Variants in MMP14 observed in about 807,000 individuals in gnomAD.
MMP14 encodes matrix metalloproteinase-14.
A neutral mutation model predicts 64.8 loss-of-function variants in MMP14; 13 were observed. That is an observed-to-expected ratio of 0.20 (90% confidence interval 0.13 to 0.32). MMP14 has a LOEUF of 0.32. MMP14 is among the 10% of genes least tolerant of loss of function. The pLI is 1.00. For missense variants in MMP14, 594 were observed against 783.8 expected, an observed-to-expected ratio of 0.76 and a Z score of 2.89; for synonymous variants, 322 against 315.9, an observed-to-expected ratio of 1.02 and a Z score of -0.20.
rs2039777650 is a variant in MMP14 at position 22,842,218 on chromosome 14, G to C, written c.380+183G>C. 4.9e-6 allele frequency: 5 copies of C among 1,011,504 alleles called. No homozygotes were observed. In the South Asian group the frequency reaches 6.5e-5, roughly 13 times the overall value. The allele number at this position is 1,011,504 out of a possible 1,614,324, so 62.7% of individuals were successfully genotyped here. On this transcript the variant is annotated intron_variant, in intron 3 of 9. Coordinates refer to ENST00000311852, the MANE Select transcript of MMP14 (RefSeq NM_004995.4). The surrounding 1 kb of genome is among the most constrained non-coding windows in gnomAD (Gnocchi z 5.3). ...GTGTAGCCATCAAGGGTGCACCCCA[G>C]TGCCAGAGAGCCAGAGCCTGAGGAT...
intron 6 of MMP14, among the ~76,000 whole-genome samples, chr14:22,844,091 G>A (rs1295092398): frequency 2.0e-5 from 3 of 152,098 alleles, no homozygotes; most frequent in Admixed American, 6.5e-5. Flanking sequence ...CAGCTACCTG[G>A]GAGGCTGAGG....
intron 1 of MMP14, among the ~76,000 whole-genome samples, chr14:22,839,809 C>T (rs2039760243): frequency 6.6e-6 from 1 of 152,110 alleles, no homozygotes; most frequent in Non-Finnish European, 1.5e-5. Flanking sequence ...CCCATCTCCC[C>T]TCCAAGATCC....
Position 22,843,273 on chromosome 14 carries a change from G to T in MMP14, c.705G>T (p.Leu235=). ...NEDLNGNDIF[L]VAVHELGHAL... is the part of the protein sequence containing the mutation. ...TCCTTCCAGGAAATGACATCTTCCT[G>T]GTGGCTGTGCACGAGCTGGGCCATG... Residue 235 remains leucine (L), a synonymous_variant, in exon 5 of 10, where the codon CTG becomes CTT. Coordinates refer to ENST00000311852, the MANE Select transcript of MMP14 (RefSeq NM_004995.4). The surrounding 1 kb of genome is among the most constrained non-coding windows in gnomAD (Gnocchi z 4.8). 2 of 1,613,786 alleles carry T rather than the reference G, an allele frequency of 1.2e-6. No homozygotes were observed. Among genetic ancestry groups the T allele is most frequent in the Non-Finnish European group, 1.7e-6 (2 of 1,179,808 alleles).
chr14:22,845,267 G>C lies in MMP14; in HGVS notation c.1318G>C (p.Glu440Gln). 6.2e-7 allele frequency: 1 copy of C among 1,613,778 alleles called. No individual in the cohort carries two copies. The highest frequency in any genetic ancestry group is 1.7e-5 in the Admixed American group (1 of 59,966). ...CTTCCCCAGGTACTACCGTTTCAAC[G>C]AAGAGCTCAGGGCAGTGGATAGCGA... ...FRGNKYYRFN[E>Q]ELRAVDSEYP... Residue 440 changes from glutamate to glutamine, a missense_variant, in exon 9 of 10, where the codon GAA (glutamate) becomes CAA (glutamine). Glu to Gln is a conservative substitution (Grantham distance 29). Transcript: ENST00000311852.
At position 22,845,517 on chromosome 14, in the gene MMP14, G is replaced by A. The variant is rs1038200945; in HGVS notation, c.1417+151G>A. 7 of 839,868 alleles carry A rather than the reference G, an allele frequency of 8.3e-6. No homozygotes were observed. In the African/African-American group the frequency reaches 1.2e-4, roughly 14 times the overall value. The allele number at this position is 839,868 out of a possible 1,614,324, so 52.0% of individuals were successfully genotyped here. ...CGCTGGGCTAGGTGCTTCCACACGT[G>A]GTGCCCATTCATCCCCACCACCTTC... is the stretch of plus-strand genomic sequence containing the variant. On this transcript the variant is annotated intron_variant, in intron 9 of 9. Transcript: ENST00000311852.
rs780053954 is a variant in MMP14, at chr14:22,844,505, C to T, written c.1146C>T (p.Phe382=). 6.2e-7 allele frequency: 1 copy of T among 1,614,134 alleles called. No individual in the cohort carries two copies. The highest frequency in any genetic ancestry group is 8.5e-7 in the Non-Finnish European group (1 of 1,180,014). Residue 382 remains phenylalanine (F), a synonymous_variant, in exon 7 of 10, where the codon TTC becomes TTT. Coordinates refer to ENST00000311852, the MANE Select transcript of MMP14 (RefSeq NM_004995.4). ...YERKDGKFVF[F]KGDKHWVFDE... The stretch of plus-strand genomic sequence containing the variant: ...GGAAGGATGGCAAATTCGTCTTCTT[C>T]AAAGGTAACCAGGCACTCCACTTTA...
rs745379457 is a variant in MMP14, at chr14:22,845,246, C to G, written c.1302-5C>G. ...CGCCACTGCCCTTCCTTTCCCCTTC[C>G]CCAGGTACTACCGTTTCAACGAAGA... is the stretch of plus-strand genomic sequence containing the variant. On this transcript the variant is annotated splice_region_variant and splice_polypyrimidine_tract_variant and intron_variant, in intron 8 of 9. Coordinates refer to ENST00000311852, the MANE Select transcript of MMP14 (RefSeq NM_004995.4). 13 of 1,610,774 alleles carry G rather than the reference C, an allele frequency of 8.1e-6. No individual in the cohort carries two copies. The highest frequency in any genetic ancestry group is 2.2e-5 in the East Asian group (1 of 44,872).
chr14:22,841,330 G>A (rs2039771116), intron 1 of MMP14, among the ~76,000 whole-genome samples, 161 bp from the exon 2 acceptor site: 1 of 152,258 alleles, frequency 6.6e-6, no homozygotes, highest in Non-Finnish European at 1.5e-5. Context: ...CAGAGATCAG[G>A]TCTAGCCTGG....
In MMP14 at chr14:22,837,558, C is replaced by T. The variant is rs558202787; in HGVS notation, c.108+633C>T. The stretch of plus-strand genomic sequence containing the variant: ...AGGGTCGCAGCGCCGGCGCGCTGGC[C>T]GCGTTTCCGTACACACAAAGCTCTC... On this transcript the variant is annotated intron_variant, in intron 1 of 9. Transcript: ENST00000311852. The T allele has an allele frequency of 2.4e-4, 85 of 359,732 alleles. No homozygotes were observed. In the East Asian group the frequency reaches 5.8e-3, roughly 24 times the overall value. The allele number at this position is 359,732 out of a possible 1,614,324, so 22.3% of individuals were successfully genotyped here.
chr14:22,837,848 CCTCT>C (rs1433157890), intron 1 of MMP14, among the ~76,000 whole-genome samples: 5 of 151,992 alleles, frequency 3.3e-5, no homozygotes, highest in East Asian at 3.9e-4. Context: ...GGAGGTTTTT[CCTCT>C]CTCTCTCTTA....
chr14:22,838,059 C>T (rs1160636157), intron 1 of MMP14, among the ~76,000 whole-genome samples: 2 of 152,218 alleles, frequency 1.3e-5, no homozygotes, highest in Non-Finnish European at 2.9e-5. Flanking sequence ...TGTCTTCTCT[C>T]TGCGTCCCTG....
In MMP14 at chr14:22,836,690, G is replaced by T. The variant is rs1291386872; in HGVS notation, c.-128G>T. On this transcript the variant is annotated 5_prime_UTR_variant, in exon 1 of 10. Transcript: ENST00000311852. Reference sequence around the variant, plus strand: ...AATCCCCTTTAACTCCAAGCCGACAGCGGTCTAGGAATTCAAGTTCAGTGC... The same window carrying T: ...AATCCCCTTTAACTCCAAGCCGACATCGGTCTAGGAATTCAAGTTCAGTGC... 4 of 557,792 alleles carry T rather than the reference G, an allele frequency of 7.2e-6. No individual in the cohort carries two copies. Among genetic ancestry groups the T allele is most frequent in the East Asian group, 3.1e-5 (1 of 32,612 alleles). 34.6% of individuals were successfully genotyped at this position (557,792 alleles called of 1,614,324 possible).
chr14:22,841,615 G>A lies in MMP14; in HGVS notation c.233G>A (p.Gly78Asp), dbSNP rs781106668. 4 of 1,614,048 alleles carry A rather than the reference G, an allele frequency of 2.5e-6. No homozygotes were observed. The highest frequency in any genetic ancestry group is 3.4e-6 in the Non-Finnish European group (4 of 1,180,008). The change falls in exon 2 of 10, where the codon GGC (glycine) becomes GAC (aspartate). Residue 78 changes from glycine (G) to aspartate (D), a missense_variant. By Grantham distance (94) the Gly-to-Asp change is moderately conservative (BLOSUM62 -1). Around this residue, in one of 4 missense-constraint regions of MMP14, gnomAD observed 179 missense variants for 283.4 expected, o/e 0.63. Coordinates refer to ENST00000311852, the MANE Select transcript of MMP14 (RefSeq NM_004995.4). The part of the protein sequence containing the change: ...MQKFYGLQVT[G>D]KADADTMKAM... ...AAGTTTTACGGCTTGCAAGTAACAGGCAAAGCTGATGCAGACACCATGAAG... is the reference window on the plus strand; with the variant it reads ...AAGTTTTACGGCTTGCAAGTAACAGACAAAGCTGATGCAGACACCATGAAG...
chr14:22,837,338 A>C, intron 1 of MMP14: 1 of 459,364 alleles, frequency 2.2e-6, no homozygotes, highest in Non-Finnish European at 4.4e-6. Context: ...TGTTTCTTCG[A>C]CTTCCCAGCT....
Position 22,841,605 on chromosome 14 carries a change from C to A in MMP14, c.223C>A (p.Gln75Lys). ...TGCCATGCAGAAGTTTTACGGCTTG[C>A]AAGTAACAGGCAAAGCTGATGCAGA... ...IAAMQKFYGLQVTGKADADTM... is the reference protein window; with the variant it reads ...IAAMQKFYGLKVTGKADADTM... The change falls in exon 2 of 10, where the codon CAA (glutamine) becomes AAA (lysine). Residue 75 changes from glutamine to lysine, a missense_variant. This residue lies in a region of MMP14 where 179 missense variants were observed against 283.4 expected (regional missense o/e 0.63). Coordinates refer to ENST00000311852, the MANE Select transcript of MMP14 (RefSeq NM_004995.4). The A allele has an allele frequency of 6.2e-7, 1 of 1,614,054 alleles. No individual in the cohort carries two copies. The highest frequency in any genetic ancestry group is 8.5e-7 in the Non-Finnish European group (1 of 1,180,016).
rs1254849829 is a variant in MMP14, at chr14:22,842,017, A to G, written c.362A>G (p.His121Arg). Residue 121 changes from histidine (H) to arginine (R), a missense_variant, in exon 3 of 10, where the codon CAT becomes CGT. Around this residue, in one of 4 missense-constraint regions of MMP14, gnomAD observed 179 missense variants for 283.4 expected, o/e 0.63. Transcript: ENST00000311852. The surrounding 1 kb of genome is among the most constrained non-coding windows in gnomAD (Gnocchi z 5.3). ...GCCATCCAGGGTCTCAAATGGCAAC[A>G]TAATGAAATCACTTTCTGGTGAGTC... Reference protein sequence around the residue: ...RYAIQGLKWQHNEITFCIQNY... With the variant: ...RYAIQGLKWQRNEITFCIQNY... 2.5e-6 allele frequency: 4 copies of G among 1,614,148 alleles called. No homozygotes were observed. The highest frequency in any genetic ancestry group is 2.7e-5 in the African/African-American group (2 of 74,950).
rs746028868 is a variant in MMP14, at chr14:22,842,581, C to T, written c.552C>T (p.Gly184=). The T allele has an allele frequency of 1.4e-5, 23 of 1,614,228 alleles. No individual in the cohort carries two copies. Among genetic ancestry groups the T allele is most frequent in the Non-Finnish European group, 1.9e-5 (23 of 1,180,036 alleles). ...QADIMIFFAE[G]FHGDSTPFDG... ...ACATCATGATCTTCTTTGCCGAGGG[C>T]TTCCATGGCGACAGCACGCCCTTCG... The change falls in exon 4 of 10, where the codon GGC becomes GGT. Residue 184 remains glycine, a synonymous_variant. Transcript: ENST00000311852. The surrounding 1 kb of genome is among the most constrained non-coding windows in gnomAD (Gnocchi z 5.3).
chr14:22,838,992 C>A (rs1027882809), intron 1 of MMP14, among the ~76,000 whole-genome samples: 1 of 152,156 alleles, frequency 6.6e-6, no homozygotes, highest in Non-Finnish European at 1.5e-5. Flanking sequence ...ATATTTAGAC[C>A]CCCCTAGCTT....
In MMP14 at chr14:22,846,177, G is replaced by A. The variant is rs1410082108; in HGVS notation, c.*138G>A. The A allele has an allele frequency of 2.3e-6, 2 of 859,168 alleles. No individual in the cohort carries two copies. Among genetic ancestry groups the A allele is most frequent in the Non-Finnish European group, 3.5e-6 (2 of 576,696 alleles). The allele number at this position is 859,168 out of a possible 1,614,324, so 53.2% of individuals were successfully genotyped here. ...CCTCCTTGCTTCTCTCTGTCCCCTGGCTGGCCTCCTTCACCCTGACCGCCT... is the reference window on the plus strand; with the variant it reads ...CCTCCTTGCTTCTCTCTGTCCCCTGACTGGCCTCCTTCACCCTGACCGCCT... On this transcript the variant is annotated 3_prime_UTR_variant, in exon 10 of 10. Transcript: ENST00000311852.
Sources: allele counts gnomAD v4.1 joint callset (sites outside exome capture counted in the v4.1 genomes callset), GRCh38; gene constraint gnomAD v4.1.1; regional missense constraint gnomAD v4.1.1; non-coding constraint Gnocchi (gnomAD v3.1); transcripts MANE v1.5; gene names NCBI Gene and HGNC (gene_info 2026-07-23, HGNC 2026-07-21).